Variants in RUFY2 observed in about 807,000 individuals in gnomAD.
RUFY2 encodes the protein RUN and FYVE domain containing 2, also known as RUN and FYVE domain-containing protein 2.
In RUFY2, 49 loss-of-function variants were observed where a neutral mutation model predicts 94.4. That is an observed-to-expected ratio of 0.52 (90% confidence interval 0.41 to 0.66). The LOEUF (loss-of-function observed/expected upper bound fraction) is 0.66. RUFY2 is among the 30% of genes least tolerant of loss of function. RUFY2 has a pLI of 0.00. For missense variants in RUFY2, 541 were observed against 692.8 expected (o/e 0.78, Z 2.46); for synonymous variants, 255 against 235.7 (o/e 1.08, Z -0.75).
rs187252140 is a variant in RUFY2 at position 68,405,433 on chromosome 10, C to T, written c.5-589G>A. ...AAATCTGCCATTCTCCTGTATTTAA[C>T]TTTCCTGGTACCTCTTCATAGAGAA... On this transcript the variant is annotated intron_variant, in intron 1 of 17. Coordinates refer to ENST00000602465, the MANE Select transcript of RUFY2 (RefSeq NM_001330103.2). The T allele has an allele frequency of 5.9e-5, 57 of 969,576 alleles. No individual in the cohort carries two copies. The East Asian group carries it at 2.3e-3, about 39-fold the overall frequency. 60.1% of individuals were successfully genotyped at this position (969,576 alleles called of 1,614,324 possible).
intron 13 of RUFY2, among the ~76,000 whole-genome samples, chr10:68,369,484 CAAA>C (rs56118945): frequency 7.4e-6 from 1 of 135,942 alleles, no homozygotes; most frequent in Non-Finnish European, 1.6e-5. Context: ...GACCTTGTCT[CAAA>C]AAAAAAAAAC....
intron 12 of RUFY2, 175 bp from the exon 13 acceptor site, chr10:68,377,147 G>T: frequency 7.0e-7 from 1 of 1,437,618 alleles, no homozygotes; most frequent in African/African-American, 1.5e-5. Context: ...TCTAGAAGTT[G>T]TTTTGTGATT....
At chr10:68,346,500 C>G (rs2046283650) in intron 16 of RUFY2, 1 of 162,788 alleles carries the variant, frequency 6.1e-6, no homozygotes, top group African/African-American at 2.4e-5. Flanking sequence ...TCATTTTGCT[C>G]TTTTCTATAC....
At position 68,394,152 on chromosome 10, in the gene RUFY2, T is replaced by C. The variant is rs767559482; in HGVS notation, c.523-16A>G. ...TCACTCCAACCTGAAGTAAATAAAG[T>C]TTTTTTTAATTTAAAGGGGAGAAAA... On this transcript the variant is annotated splice_polypyrimidine_tract_variant and intron_variant, in intron 5 of 17. Transcript: ENST00000602465. 6.8e-7 allele frequency: 1 copy of C among 1,465,214 alleles called. No individual in the cohort carries two copies. Among genetic ancestry groups the C allele is most frequent in the South Asian group, 1.3e-5 (1 of 74,224 alleles). 90.8% of individuals were successfully genotyped at this position (1,465,214 alleles called of 1,614,324 possible). A position where few individuals can be genotyped will look rare whatever the true frequency, so the allele number is the denominator to read the frequency against.
chr10:68,355,506 T>C (rs1352341424), intron 15 of RUFY2, 105 bp from the exon 16 acceptor site: 6 of 642,772 alleles, frequency 9.3e-6, no homozygotes, highest in African/African-American at 3.8e-5. Flanking sequence ...AAATTATGTA[T>C]AGTATATGAT....
At chr10:68,389,737 T>C (rs1467955816) in intron 7 of RUFY2, among the ~76,000 whole-genome samples, 3 of 151,928 alleles carry the variant, frequency 2.0e-5, no homozygotes, top group Non-Finnish European at 1.5e-5. Flanking sequence ...GAGGTTGCAG[T>C]GAGCTGAGAC....
At chr10:68,348,720 C>A (rs2046452175) in intron 16 of RUFY2, among the ~76,000 whole-genome samples, 1 of 152,116 alleles carries the variant, frequency 6.6e-6, no homozygotes, top group East Asian at 1.9e-4. Context: ...AAACTACCTG[C>A]CGCCCTCCCA....
chr10:68,385,891 T>C (rs980011421), intron 8 of RUFY2, among the ~76,000 whole-genome samples, 168 bp downstream of exon 8: 3 of 152,184 alleles, frequency 2.0e-5, no homozygotes, highest in African/African-American at 7.2e-5. Context: ...TAAGAATATA[T>C]GGTTTCTCTA....
At position 68,406,766 on chromosome 10, in the gene RUFY2, G is replaced by A. The variant is rs200501110; in HGVS notation, c.4+420C>T. 409 of 1,610,998 alleles carry A rather than the reference G, an allele frequency of 2.5e-4. 1 individual carries two copies. Among genetic ancestry groups the A allele is most frequent in the South Asian group, 4.7e-4 (43 of 90,678 alleles). On this transcript the variant is annotated intron_variant, in intron 1 of 17. Coordinates refer to ENST00000602465, the MANE Select transcript of RUFY2 (RefSeq NM_001330103.2). ...GCGGCGGGCTCACCCAGGCTCCTGC[G>A]CGTCAGCATTCCCCGTCTCCCGCCC...
chr10:68,376,086 G>A (rs1435944586), intron 13 of RUFY2, among the ~76,000 whole-genome samples: 1 of 148,342 alleles, frequency 6.7e-6, no homozygotes, highest in Non-Finnish European at 1.5e-5. Flanking sequence ...CTGGGCGACA[G>A]AGTGAGACTC....
chr10:68,341,339 T>TG, downstream of RUFY2: 1 of 1,582,788 alleles, frequency 6.3e-7, no homozygotes, highest in South Asian at 1.2e-5. Context: ...CACAATCTTA[T>TG]TTCCTAAACG....
rs1554869876 is a variant in RUFY2, at chr10:68,343,808, T to TTAAAAAAAA, written c.*1959_*1960insTTTTTTTTA. 8.6e-5 allele frequency: 10 copies of TTAAAAAAAA among 115,660 alleles called. 2 individuals are homozygous for TTAAAAAAAA. The highest frequency in any genetic ancestry group is 1.6e-4 in the African/African-American group (4 of 25,412). The allele number at this position is 115,660 out of a possible 1,614,324, so 7.2% of individuals were successfully genotyped here. A position where few individuals can be genotyped will look rare whatever the true frequency, so the allele number is the denominator to read the frequency against. ...GCAAGTTGCTGTCATAAAAGCTGCC[T>TTAAAAAAAA]AAAAAAAAAAAAAAAAAAAAAAAAA... On this transcript the variant is annotated 3_prime_UTR_variant, in exon 18 of 18. Coordinates refer to ENST00000602465, the MANE Select transcript of RUFY2 (RefSeq NM_001330103.2).
Position 68,376,941 on chromosome 10 carries a change from C to T in RUFY2, c.1237G>A (p.Ala413Thr). 1.2e-6 allele frequency: 2 copies of T among 1,613,708 alleles called. No homozygotes were observed. The highest frequency in any genetic ancestry group is 1.7e-6 in the Non-Finnish European group (2 of 1,179,906). The change falls in exon 13 of 18, where the codon GCT becomes ACT. Residue 413 changes from alanine (A) to threonine (T), a missense_variant. By Grantham distance (58) the Ala-to-Thr change is moderately conservative. Transcript: ENST00000602465. ...AGATATTTCTCATCCTCATCTTCAG[C>T]TTCCATTTGCGCCTTCTCTGCTTGC... ...LQQAEKAQMEAEDEDEKYLQE... is the reference protein window; with the variant it reads ...LQQAEKAQMETEDEDEKYLQE...
At chr10:68,349,827 C>A (rs1489059505) in intron 16 of RUFY2, among the ~76,000 whole-genome samples, 2 of 151,838 alleles carry the variant, frequency 1.3e-5, no homozygotes, top group African/African-American at 2.4e-5. Flanking sequence ...CGTGAGCCAC[C>A]GCGCCCGGCC....
intron 1 of RUFY2, among the ~76,000 whole-genome samples, chr10:68,406,099 C>G (rs2051272320): frequency 6.6e-6 from 1 of 151,696 alleles, no homozygotes; most frequent in African/African-American, 2.4e-5. Flanking sequence ...AAACGAAGCA[C>G]TTAGTATAAC....
chr10:68,367,056 T>C (rs2047902855), intron 13 of RUFY2, among the ~76,000 whole-genome samples: 1 of 151,458 alleles, frequency 6.6e-6, no homozygotes. Context: ...TAATCTCATC[T>C]ACTCGGGAGG....
At chr10:68,364,575 G>A (rs1470582640) in intron 13 of RUFY2, among the ~76,000 whole-genome samples, 1 of 152,080 alleles carries the variant, frequency 6.6e-6, no homozygotes, top group Non-Finnish European at 1.5e-5. Flanking sequence ...TTCAGTAACG[G>A]CAAAATCAGC....
Position 68,401,733 on chromosome 10 carries a change from T to C in RUFY2, c.183A>G (p.Arg61=). 1.9e-6 allele frequency: 3 copies of C among 1,599,418 alleles called. No homozygotes were observed. The highest frequency in any genetic ancestry group is 2.6e-6 in the Non-Finnish European group (3 of 1,166,768). The part of the protein sequence containing the change: ...EHCLKHGLKV[R]KSFLSYNKTI... ...TTTTGTTGTAACTCAAAAATGATTT[T>C]CTTACTGAAAAAAAGAACACATAAT... The change falls in exon 3 of 18, where the codon AGA becomes AGG. Residue 61 remains arginine (R), a synonymous_variant. Transcript: ENST00000602465.
chr10:68,388,154 GT>G (rs1293114873), intron 7 of RUFY2, among the ~76,000 whole-genome samples: 2 of 151,790 alleles, frequency 1.3e-5, no homozygotes, highest in Non-Finnish European at 2.9e-5. Context: ...CTCAATAGTA[GT>G]TTTGAGTGAG....
Sources: allele counts gnomAD v4.1 joint callset (sites outside exome capture counted in the v4.1 genomes callset), GRCh38; gene constraint gnomAD v4.1.1; transcripts MANE v1.5; gene names NCBI Gene and HGNC (gene_info 2026-07-23, HGNC 2026-07-21).